Variants in PTPRK observed in about 807,000 individuals in gnomAD.
The protein encoded by PTPRK is protein tyrosine phosphatase receptor type K.
Under a neutral mutation model 178.0 loss-of-function variants are expected in PTPRK, and 75 were observed. The ratio of observed to expected loss-of-function variants is 0.42; its 90% CI spans 0.35 to 0.51. The LOEUF (loss-of-function observed/expected upper bound fraction) is 0.51, where lower values mean the gene tolerates loss of function less well. Among genes scored for constraint, PTPRK ranks in the 20% least tolerant of loss-of-function variants. The pLI is 0.02. For missense variants in PTPRK, 1,441 were observed against 1,797.8 expected (o/e 0.80, Z 3.59); for synonymous variants, 637 against 620.6 (o/e 1.03, Z -0.39).
intron 7 of PTPRK, among the ~76,000 whole-genome samples, chr6:128,123,242 TC>T (rs1792770931): frequency 6.6e-6 from 1 of 152,084 alleles, no homozygotes; most frequent in Non-Finnish European, 1.5e-5. Flanking sequence ...GGGAGCATTG[TC>T]CCTAGAAACT....
chr6:128,275,639 C>T (rs1397243206), intron 3 of PTPRK, among the ~76,000 whole-genome samples: 1 of 152,040 alleles, frequency 6.6e-6, no homozygotes, highest in Non-Finnish European at 1.5e-5. Context: ...TGGGAATATA[C>T]ATTAGACTAC....
chr6:128,427,268 T>A (rs1162430880), intron 1 of PTPRK, among the ~76,000 whole-genome samples: 1 of 152,172 alleles, frequency 6.6e-6, no homozygotes, highest in Non-Finnish European at 1.5e-5. Flanking sequence ...TTAAGAGGTG[T>A]TATGTAATTT....
chr6:128,509,234 T>C (rs1856821685), intron 1 of PTPRK, among the ~76,000 whole-genome samples: 3 of 152,190 alleles, frequency 2.0e-5, no homozygotes, highest in African/African-American at 7.2e-5. Flanking sequence ...CCTTGGAATG[T>C]ATCCCCCAGA....
At chr6:128,005,418 G>T (rs1255845665) in intron 14 of PTPRK, among the ~76,000 whole-genome samples, 174 bp from the exon 15 acceptor site, 1 of 151,526 alleles carries the variant, frequency 6.6e-6, no homozygotes, top group African/African-American at 2.4e-5. Flanking sequence ...AATTATATTT[G>T]CTCCTTGCTA....
At chr6:128,102,594 G>GT (rs1170579150) in intron 7 of PTPRK, among the ~76,000 whole-genome samples, 3 of 152,112 alleles carry the variant, frequency 2.0e-5, no homozygotes, top group African/African-American at 7.2e-5. Flanking sequence ...TCAAATTGCC[G>GT]TATTTATCTA....
chr6:128,270,686 G>C (rs1044182466), intron 3 of PTPRK, among the ~76,000 whole-genome samples: 2 of 152,076 alleles, frequency 1.3e-5, no homozygotes, highest in Non-Finnish European at 2.9e-5. Flanking sequence ...TGTACAATAC[G>C]CAGCATCCAG....
intron 7 of PTPRK, among the ~76,000 whole-genome samples, chr6:128,163,726 T>C (rs77355977): frequency 0.036 from 5,474 of 151,540 alleles, 334 homozygotes; most frequent in African/African-American, 0.12. Flanking sequence ...TACCAACGCA[T>C]TTAATAGAGG....
At chr6:128,352,186 G>A (rs1353061044) in intron 2 of PTPRK, among the ~76,000 whole-genome samples, 1 of 136,240 alleles carries the variant, frequency 7.3e-6, no homozygotes, top group Non-Finnish European at 1.5e-5. Flanking sequence ...CCCAGGAGGT[G>A]AAGATTGCAG....
chr6:128,186,068 A>C (rs1189741883), intron 6 of PTPRK, among the ~76,000 whole-genome samples: 1 of 152,148 alleles, frequency 6.6e-6, no homozygotes, highest in Non-Finnish European at 1.5e-5. Context: ...AGGCTAAAGT[A>C]ATTTTCAAGA....
intron 3 of PTPRK, among the ~76,000 whole-genome samples, chr6:128,314,854 A>G (rs983665480): frequency 1.3e-5 from 2 of 151,752 alleles, no homozygotes; most frequent in Non-Finnish European, 2.9e-5. Flanking sequence ...AAAAAAAAAA[A>G]GGAGACCTTC....
intron 2 of PTPRK, among the ~76,000 whole-genome samples, chr6:128,360,987 A>T (rs1301344088): frequency 1.3e-5 from 2 of 152,202 alleles, no homozygotes; most frequent in African/African-American, 4.8e-5. Context: ...GTCCCATTAT[A>T]GCTTTCTTAC....
intron 2 of PTPRK, among the ~76,000 whole-genome samples, chr6:128,335,400 TA>T (rs1830776034): frequency 7.7e-6 from 1 of 130,182 alleles, no homozygotes; most frequent in Non-Finnish European, 1.6e-5. Flanking sequence ...TTAGAGGTTC[TA>T]AGACAAGAAA....
intron 5 of PTPRK, among the ~76,000 whole-genome samples, chr6:128,237,841 C>A (rs202031064): frequency 6.6e-6 from 1 of 150,574 alleles, no homozygotes; most frequent in Non-Finnish European, 1.5e-5. Context: ...TTTTTTTTTA[C>A]TTTTGGCAAA....
At chr6:128,428,514 G>A (rs567637502) in intron 1 of PTPRK, among the ~76,000 whole-genome samples, 19 of 152,206 alleles carry the variant, frequency 1.2e-4, no homozygotes, top group Non-Finnish European at 2.2e-4. Flanking sequence ...ATCTAGGAAC[G>A]TCATACAGAG....
chr6:128,147,043 A>G (rs2114538249), intron 7 of PTPRK, among the ~76,000 whole-genome samples: 1 of 152,246 alleles, frequency 6.6e-6, no homozygotes, highest in South Asian at 2.1e-4. Flanking sequence ...CTTCTACCTC[A>G]GTTTGCTCTC....
intron 3 of PTPRK, among the ~76,000 whole-genome samples, chr6:128,247,573 C>T (rs991417796): frequency 6.6e-6 from 1 of 152,164 alleles, no homozygotes; most frequent in African/African-American, 2.4e-5. Context: ...CCTGCCTCAG[C>T]CTCCCAAACT....
intron 2 of PTPRK, among the ~76,000 whole-genome samples, chr6:128,327,796 C>G (rs1279132486): frequency 6.6e-6 from 1 of 152,106 alleles, no homozygotes; most frequent in East Asian, 1.9e-4. Flanking sequence ...GTGAAGAAAA[C>G]CTTAAAGAAC....
intron 13 of PTPRK, among the ~76,000 whole-genome samples, chr6:128,030,499 C>T (rs559035632): frequency 7.3e-4 from 111 of 152,312 alleles, no homozygotes; most frequent in Non-Finnish European, 1.2e-3. Flanking sequence ...GTCCTTAAAA[C>T]CTGACTCTTC....
intron 7 of PTPRK, among the ~76,000 whole-genome samples, chr6:128,138,775 C>T (rs1795365095): frequency 6.6e-6 from 1 of 152,024 alleles, no homozygotes; most frequent in Non-Finnish European, 1.5e-5. Flanking sequence ...CCTTTCACAG[C>T]CTCTGTTTAG....
Sources: allele counts gnomAD v4.1 joint callset (sites outside exome capture counted in the v4.1 genomes callset), GRCh38; gene constraint gnomAD v4.1.1; transcripts MANE v1.5; gene names NCBI Gene and HGNC (gene_info 2026-07-23, HGNC 2026-07-21).